ZNF33A: variants seen among roughly 807,000 people sequenced by gnomAD.
The protein encoded by ZNF33A is brain my041 protein.
Under a neutral mutation model 15.9 loss-of-function variants are expected in ZNF33A, and 9 were observed. That is an observed-to-expected ratio of 0.57 (90% CI 0.34 to 0.99). The LOEUF is 0.99. Among genes scored for constraint, ZNF33A ranks in the 50% least tolerant of loss-of-function variants. The probability of loss-of-function intolerance (pLI) is 0.02; values close to 1 mark genes in which losing one functional copy is unlikely to be tolerated. For synonymous variants in ZNF33A, 294 were observed against 324.2 expected (o/e 0.91, Z 1.00); for missense variants, 843 against 941.6 (o/e 0.90, Z 1.37).
chr10:38,030,421 C>T (rs1211830131), intron 4 of ZNF33A, among the ~76,000 whole-genome samples: 1 of 152,158 alleles, frequency 6.6e-6, no homozygotes, highest in Non-Finnish European at 1.5e-5. Context: ...ATGGCCAATA[C>T]ATGTAACATT....
chr10:38,036,437 CA>C (rs58856268), intron 4 of ZNF33A, among the ~76,000 whole-genome samples: 6 of 144,926 alleles, frequency 4.1e-5, no homozygotes, highest in South Asian at 2.2e-4. Context: ...GATTCTGTCT[CA>C]AAAAAAAAAT....
intron 4 of ZNF33A, among the ~76,000 whole-genome samples, chr10:38,038,851 T>C (rs1304226164): frequency 1.3e-5 from 2 of 152,248 alleles, no homozygotes; most frequent in Non-Finnish European, 1.5e-5. Context: ...CATGTGGTTA[T>C]TGTTTCTTTT....
intron 4 of ZNF33A, among the ~76,000 whole-genome samples, chr10:38,043,281 G>A (rs977537463): frequency 1.7e-4 from 26 of 149,752 alleles, no homozygotes; most frequent in African/African-American, 6.4e-4. Flanking sequence ...CTCACTCACA[G>A]GTGGGAACTG....
rs2066366974 is a variant in ZNF33A at position 38,054,620 on chromosome 10, A to G, written c.496A>G (p.Lys166Glu). 2 of 1,612,468 alleles carry G rather than the reference A, an allele frequency of 1.2e-6. No homozygotes were observed. Among genetic ancestry groups the G allele is most frequent in the East Asian group, 4.5e-5 (2 of 44,838 alleles). The change falls in exon 5 of 5, where the codon AAG becomes GAG. Residue 166 changes from lysine (K) to glutamate (E), a missense_variant. Coordinates refer to ENST00000432900, the MANE Select transcript of ZNF33A (RefSeq NM_006954.2). ...VISKINYLGK[K>E]SDEFNACGKL... ...CAGTAAGATAAACTATTTAGGAAAA[A>G]AGTCTGATGAATTTAATGCCTGTGG...
At chr10:38,062,732 G>A (rs1340077500), downstream of ZNF33A, among the ~76,000 whole-genome samples, 4 of 151,730 alleles carry the variant, frequency 2.6e-5, no homozygotes, top group Non-Finnish European at 4.4e-5. Context: ...GGCTGGGTGC[G>A]GTGGCTCACA....
At chr10:38,042,692 A>C (rs2065762453) in intron 4 of ZNF33A, among the ~76,000 whole-genome samples, 1 of 152,080 alleles carries the variant, frequency 6.6e-6, no homozygotes, top group Non-Finnish European at 1.5e-5. Flanking sequence ...CTGAGACTAT[A>C]GGTGTGCACC....
Position 38,054,873 on chromosome 10 carries a change from A to T in ZNF33A, c.749A>T (p.Asn250Ile). ...GCAGAAGAGAATAACTGTGATTATA[A>T]TGAATTTGGGAGAACTTTGTGTGAT... is the stretch of plus-strand genomic sequence containing the variant. Reference protein sequence around the residue: ...ENAEENNCDYNEFGRTLCDSS... With the variant: ...ENAEENNCDYIEFGRTLCDSS... The change falls in exon 5 of 5, where the codon AAT (asparagine) becomes ATT (isoleucine). Residue 250 changes from asparagine to isoleucine, a missense_variant. Physicochemically the swap from Asn to Ile is moderately radical, Grantham distance 149. Coordinates refer to ENST00000432900, the MANE Select transcript of ZNF33A (RefSeq NM_006954.2). 6.2e-7 allele frequency: 1 copy of T among 1,613,666 alleles called. No homozygotes were observed. Among genetic ancestry groups the T allele is most frequent in the Admixed American group, 1.7e-5 (1 of 59,982 alleles).
At chr10:38,030,817 A>G (rs1434381311) in intron 4 of ZNF33A, among the ~76,000 whole-genome samples, 1 of 152,200 alleles carries the variant, frequency 6.6e-6, no homozygotes, top group Non-Finnish European at 1.5e-5. Context: ...AATGTAGGGT[A>G]AGAGGGGAGA....
rs571101056 is a variant in ZNF33A, at chr10:38,059,969, C to G, written c.*3409C>G. 23 of 688,978 alleles carry G rather than the reference C, an allele frequency of 3.3e-5. No individual in the cohort carries two copies. In the African/African-American group the frequency reaches 4.5e-4, roughly 13 times the overall value. The allele number at this position is 688,978 out of a possible 1,614,324, so 42.7% of individuals were successfully genotyped here. ...GAGGGGAAAGGGTTATATGAGAATTCTCTATACTTTTTGCTCAACTTTCTG... is the reference window on the plus strand; with the variant it reads ...GAGGGGAAAGGGTTATATGAGAATTGTCTATACTTTTTGCTCAACTTTCTG... On this transcript the variant is annotated 3_prime_UTR_variant, in exon 5 of 5. Coordinates refer to ENST00000432900, the MANE Select transcript of ZNF33A (RefSeq NM_006954.2).
intron 4 of ZNF33A, among the ~76,000 whole-genome samples, chr10:38,050,417 C>T (rs934403896): frequency 1.3e-5 from 2 of 152,250 alleles, no homozygotes; most frequent in African/African-American, 4.8e-5. Context: ...CATGTTGCTG[C>T]ACTCTTGTAA....
chr10:38,033,780 C>G (rs927578263), intron 4 of ZNF33A, among the ~76,000 whole-genome samples: 1 of 150,496 alleles, frequency 6.6e-6, no homozygotes, highest in African/African-American at 2.5e-5. Flanking sequence ...GTGGTGGGAT[C>G]TTGGCTCACT....
At chr10:38,060,095 TGTTA>T (rs1289789573), downstream of ZNF33A, 3 of 985,194 alleles carry the variant, frequency 3.0e-6, no homozygotes, top group Non-Finnish European at 3.6e-6. Context: ...GGTGTTCTTT[TGTTA>T]GTTGTATGTT....
At chr10:38,041,399 G>GTGGTTGCT (rs2065693821) in intron 4 of ZNF33A, among the ~76,000 whole-genome samples, 1 of 151,790 alleles carries the variant, frequency 6.6e-6, no homozygotes, top group African/African-American at 2.4e-5. Context: ...TATTTACCTA[G>GTGGTTGCT]TGGTTGCTCT....
downstream of ZNF33A, among the ~76,000 whole-genome samples, chr10:38,066,452 C>G (rs1161795378): frequency 6.6e-6 from 1 of 151,824 alleles, no homozygotes; most frequent in Non-Finnish European, 1.5e-5. Context: ...TGTGGCCTCA[C>G]CGTCTTGGCC....
chr10:38,053,542 A>G lies in ZNF33A; in HGVS notation c.251-833A>G, dbSNP rs1401246264. ...AGTCACACTGGAGGTTGGGGTTTTA[A>G]CATACACATTTTTGGGGGGCACAGT... is the stretch of plus-strand genomic sequence containing the variant. On this transcript the variant is annotated intron_variant, in intron 4 of 4. Coordinates refer to ENST00000432900, the MANE Select transcript of ZNF33A (RefSeq NM_006954.2). 2.6e-5 allele frequency among the ~76,000 whole-genome samples: 4 copies of G among 152,142 alleles called. No individual in the cohort carries two copies. In the East Asian group the frequency reaches 7.7e-4, roughly 29 times the overall value.
intron 4 of ZNF33A, among the ~76,000 whole-genome samples, chr10:38,020,573 G>T (rs79578417): frequency 0.06 from 9,120 of 151,944 alleles, 354 homozygotes; most frequent in Middle Eastern, 0.095. Context: ...GTTCAGTTAT[G>T]TTAATTTTTA....
At chr10:38,013,486 G>GGT (rs1382723579) in intron 2 of ZNF33A, among the ~76,000 whole-genome samples, 1 of 151,632 alleles carries the variant, frequency 6.6e-6, no homozygotes, top group African/African-American at 2.4e-5. Flanking sequence ...GTAGCACAGT[G>GGT]GTGTGATCTT....
At chr10:38,035,198 A>G (rs1007858115) in intron 4 of ZNF33A, among the ~76,000 whole-genome samples, 4 of 138,284 alleles carry the variant, frequency 2.9e-5, no homozygotes, top group African/African-American at 8.1e-5. Flanking sequence ...GCTCACGGCA[A>G]CCTCCGCCTC....
intron 1 of ZNF33A, among the ~76,000 whole-genome samples, 151 bp downstream of exon 1, chr10:38,010,934 G>T (rs552985): frequency 6.6e-6 from 1 of 152,294 alleles, no homozygotes; most frequent in Non-Finnish European, 1.5e-5. Context: ...TGTGGGCCAC[G>T]ACGCTAGGCC....
Sources: gnomAD v4.1 joint callset for allele counts (sites outside exome capture counted in the v4.1 genomes callset) on GRCh38, gnomAD v4.1.1 for gene constraint, MANE v1.5 for transcripts, NCBI Gene and HGNC (gene_info 2026-07-23, HGNC 2026-07-21) for gene names.